The following ATP8A2 variants were observed in gnomAD, a reference collection of about 807,000 sequenced individuals.
ATP8A2 encodes the protein ATPase phospholipid transporting 8A2.
In ATP8A2, 100 loss-of-function variants were observed where a neutral mutation model predicts 165.6. The observed-to-expected ratio is 0.60, with a 90% CI of 0.51 to 0.71. ATP8A2 has a LOEUF of 0.71. Among genes scored for constraint, ATP8A2 ranks in the 30% least tolerant of loss-of-function variants. The pLI is 0.00. For synonymous variants in ATP8A2, 543 were observed against 548.8 expected, an observed-to-expected ratio of 0.99 and a Z score of 0.15; for missense variants, 1,227 against 1,479.5, an observed-to-expected ratio of 0.83 and a Z score of 2.80.
intron 2 of ATP8A2, among the ~76,000 whole-genome samples, chr13:25,504,350 C>T (rs548076498): frequency 3.5e-5 from 5 of 144,464 alleles, no homozygotes; most frequent in Admixed American, 6.9e-5. Context: ...ACATCTATTT[C>T]GTATGTTTTT....
chr13:25,871,140 G>A lies in ATP8A2; in HGVS notation c.3183+8732G>A, dbSNP rs1482618475. The A allele has an allele frequency of 1.4e-5, 5 of 358,726 alleles. 1 individual carries two copies. Among genetic ancestry groups the A allele is most frequent in the Non-Finnish European group, 2.7e-5 (5 of 184,022 alleles). The allele number at this position is 358,726 out of a possible 1,614,324, so 22.2% of individuals were successfully genotyped here. A position where few individuals can be genotyped will look rare whatever the true frequency, so the allele number is the denominator to read the frequency against. On this transcript the variant is annotated intron_variant, in intron 33 of 36. Coordinates refer to ENST00000381655, the MANE Select transcript of ATP8A2 (RefSeq NM_016529.6). ...TTTTTTTCTTCAGAGGTTTTGTTGT[G>A]GTGTTGGCATTTGTCATTCATTCTG...
chr13:25,828,136 A>C lies in ATP8A2; in HGVS notation c.2698A>C (p.Asn900His). 1 of 1,614,066 alleles carries C rather than the reference A, an allele frequency of 6.2e-7. No individual in the cohort carries two copies. Among genetic ancestry groups the C allele is most frequent in the Non-Finnish European group, 8.5e-7 (1 of 1,179,930 alleles). ...CTTTCAGCTTTGGTTCGCCTTTGTT[A>C]ATGGATTTTCTGGGCAGATTTTATT... ...YIIELWFAFV[N>H]GFSGQILFER... Residue 900 changes from asparagine (N) to histidine (H), a missense_variant, in exon 28 of 37, where the codon AAT (asparagine) becomes CAT (histidine). Around this residue, in one of 5 missense-constraint regions of ATP8A2, gnomAD observed 592 missense variants for 785.6 expected, o/e 0.75. Coordinates refer to ENST00000381655, the MANE Select transcript of ATP8A2 (RefSeq NM_016529.6).
intron 1 of ATP8A2, among the ~76,000 whole-genome samples, chr13:25,400,850 G>A (rs1420529088): frequency 3.3e-5 from 5 of 152,206 alleles, no homozygotes; most frequent in Non-Finnish European, 4.4e-5. Flanking sequence ...GGCATTGTGG[G>A]ACCACAGAAG....
At chr13:25,422,090 T>C (rs2034316925) in intron 1 of ATP8A2, among the ~76,000 whole-genome samples, 2 of 152,116 alleles carry the variant, frequency 1.3e-5, no homozygotes, top group African/African-American at 4.8e-5. Flanking sequence ...GCTCTGGTTT[T>C]CAGAAAAGAC....
chr13:25,731,467 A>G (rs1179817023), intron 25 of ATP8A2, among the ~76,000 whole-genome samples: 2 of 152,198 alleles, frequency 1.3e-5, no homozygotes, highest in Non-Finnish European at 2.9e-5. Flanking sequence ...ATATTGACCA[A>G]TTGAACTCTC....
At chr13:25,929,184 G>A (rs1206337813) in intron 33 of ATP8A2, among the ~76,000 whole-genome samples, 2 of 152,146 alleles carry the variant, frequency 1.3e-5, no homozygotes, top group Admixed American at 6.5e-5. Flanking sequence ...TCGTAAATGT[G>A]CGTGACCATG....
chr13:25,635,303 C>G (rs574228089), intron 24 of ATP8A2, among the ~76,000 whole-genome samples: 22 of 152,250 alleles, frequency 1.4e-4, no homozygotes, highest in African/African-American at 5.3e-4. Context: ...GGAGAAAGCA[C>G]TTAGGGAAAA....
intron 33 of ATP8A2, among the ~76,000 whole-genome samples, chr13:25,937,848 C>CAAAAAAAAA (rs57258286): frequency 8.4e-5 from 7 of 83,556 alleles, no homozygotes; most frequent in African/African-American, 2.8e-4. Context: ...GACTCCGTCT[C>CAAAAAAAAA]AAAAAAAAAA....
chr13:25,602,776 T>C (rs2040420376), intron 24 of ATP8A2, among the ~76,000 whole-genome samples: 1 of 152,152 alleles, frequency 6.6e-6, no homozygotes, highest in South Asian at 2.1e-4. Context: ...ATTTACCTTT[T>C]AAAAGGATAT....
intron 33 of ATP8A2, among the ~76,000 whole-genome samples, chr13:25,899,626 C>T (rs1411315815): frequency 8.6e-5 from 13 of 151,894 alleles, no homozygotes; most frequent in Admixed American, 7.9e-4. Context: ...CAAAGCTGAG[C>T]GGAGGACACA....
intron 25 of ATP8A2, among the ~76,000 whole-genome samples, chr13:25,719,605 A>G (rs2043330459): frequency 6.6e-6 from 1 of 152,212 alleles, no homozygotes; most frequent in Non-Finnish European, 1.5e-5. Context: ...GATGGCAGAT[A>G]AGGTAGATTC....
intron 1 of ATP8A2, among the ~76,000 whole-genome samples, chr13:25,450,782 C>T (rs933168031): frequency 6.6e-6 from 1 of 152,076 alleles, no homozygotes; most frequent in East Asian, 1.9e-4. Context: ...CTGCCCACCT[C>T]GGCCTCCCAA....
chr13:25,892,669 C>A (rs560361782), intron 33 of ATP8A2, among the ~76,000 whole-genome samples: 1 of 152,122 alleles, frequency 6.6e-6, no homozygotes, highest in South Asian at 2.1e-4. Context: ...GCATACAGTG[C>A]GATGCTCTCC....
chr13:25,831,646 C>G (rs532335652), intron 28 of ATP8A2, among the ~76,000 whole-genome samples: 1 of 152,104 alleles, frequency 6.6e-6, no homozygotes, highest in Non-Finnish European at 1.5e-5. Flanking sequence ...AGTTCGAGAC[C>G]AGCCTGGCCA....
chr13:25,439,140 C>A (rs6491056), intron 1 of ATP8A2, among the ~76,000 whole-genome samples: 1 of 152,054 alleles, frequency 6.6e-6, no homozygotes, highest in East Asian at 1.9e-4. Context: ...CCCACAACAT[C>A]CCTGAAGAAA....
intron 33 of ATP8A2, among the ~76,000 whole-genome samples, chr13:25,926,042 A>G (rs778335515): frequency 2.6e-5 from 4 of 152,168 alleles, no homozygotes; most frequent in Non-Finnish European, 5.9e-5. Flanking sequence ...CAATTTTCAT[A>G]GTAAATTTCC....
At chr13:25,958,236 G>A (rs879873800) in intron 33 of ATP8A2, among the ~76,000 whole-genome samples, 33 of 151,818 alleles carry the variant, frequency 2.2e-4, no homozygotes, top group South Asian at 6.2e-4. Flanking sequence ...ACCATGGCAC[G>A]TGTATACCTA....
At chr13:25,512,905 G>C (rs571989113) in intron 2 of ATP8A2, among the ~76,000 whole-genome samples, 19 of 144,962 alleles carry the variant, frequency 1.3e-4, no homozygotes, top group African/African-American at 4.6e-4. Flanking sequence ...CTGGCCAGGC[G>C]GGGGGCTGAC....
At chr13:25,990,068 G>A (rs1442325355) in intron 35 of ATP8A2, among the ~76,000 whole-genome samples, 1 of 152,176 alleles carries the variant, frequency 6.6e-6, no homozygotes, top group Non-Finnish European at 1.5e-5. Context: ...ATGGTTTCAG[G>A]GAGGTGCTCC....
Sources: gnomAD v4.1 joint callset for allele counts (sites outside exome capture counted in the v4.1 genomes callset) on GRCh38, gnomAD v4.1.1 for gene constraint, gnomAD v4.1.1 regional missense constraint, MANE v1.5 for transcripts, NCBI Gene and HGNC (gene_info 2026-07-23, HGNC 2026-07-21) for gene names.